The following PCDHA2 variants were observed in gnomAD, a reference collection of about 807,000 sequenced individuals.
PCDHA2 encodes protocadherin alpha 2, also known as protocadherin alpha-2.
In PCDHA2, 58 loss-of-function variants were observed where a neutral mutation model predicts 66.0. The ratio of observed to expected loss-of-function variants is 0.88; its 90% confidence interval spans 0.71 to 1.09. The LOEUF is 1.09. PCDHA2 is among the 50% of genes least tolerant of loss of function. The probability of loss-of-function intolerance (pLI) is 0.00; values close to 1 mark genes in which losing one functional copy is unlikely to be tolerated. For synonymous variants in PCDHA2, 634 were observed against 554.0 expected (o/e 1.14, Z -2.03); for missense variants, 1,267 against 1,242.3 (o/e 1.02, Z -0.30).
intron 1 of PCDHA2, chr5:140,843,668 G>C: frequency 6.3e-7 from 1 of 1,593,338 alleles, no homozygotes; most frequent in South Asian, 1.1e-5. Flanking sequence ...TCTGGGATCA[G>C]TTGATGTAGG....
chr5:140,929,074 G>T, intron 1 of PCDHA2: 2 of 1,614,182 alleles, frequency 1.2e-6, no homozygotes, highest in South Asian at 2.2e-5. Flanking sequence ...TCTGAGGTAT[G>T]GAAGTAAGAT....
At chr5:140,858,085 G>A (rs782551513) in intron 1 of PCDHA2, 1 of 1,597,828 alleles carries the variant, frequency 6.3e-7, no homozygotes, top group Non-Finnish European at 8.6e-7. Context: ...AGGCCTCGTC[G>A]CGGGCTTCAG....
intron 1 of PCDHA2, chr5:140,834,408 C>A (rs1422955156): frequency 1.9e-6 from 3 of 1,609,996 alleles, no homozygotes; most frequent in Non-Finnish European, 2.5e-6. Context: ...TGGATACGAC[C>A]CAGGGGGCCG....
rs1232037230 is a variant in PCDHA2 at position 140,844,720 on chromosome 5, C to T, written c.2388+47368C>T. On this transcript the variant is annotated intron_variant, in intron 1 of 3. Coordinates refer to ENST00000526136, the MANE Select transcript of PCDHA2 (RefSeq NM_018905.3). ...TTGGGATTATCATGGCCCATTAGTTCGTGTAAAAATATTTAGTATTATGGG... is the reference window on the plus strand; with the variant it reads ...TTGGGATTATCATGGCCCATTAGTTTGTGTAAAAATATTTAGTATTATGGG... Among the ~76,000 whole-genome samples the T allele has an allele frequency of 5.4e-5, 8 of 149,304 alleles. 1 individual carries two copies. Among genetic ancestry groups the T allele is most frequent in the East Asian group, 1.9e-4 (1 of 5,172 alleles).
Position 140,845,550 on chromosome 5 carries a change from G to A in PCDHA2, c.2388+48198G>A, listed in dbSNP as rs185907796. Among the ~76,000 whole-genome samples, 15 of 149,478 alleles carry A rather than the reference G, an allele frequency of 1.0e-4. 1 individual carries two copies. Among genetic ancestry groups the A allele is most frequent in the Non-Finnish European group, 1.3e-4 (9 of 66,770 alleles). On this transcript the variant is annotated intron_variant, in intron 1 of 3. Coordinates refer to ENST00000526136, the MANE Select transcript of PCDHA2 (RefSeq NM_018905.3). ...TTTTCACTATTCTAATTATGGTGAT[G>A]CTTTTAGCTATTAAGAATTTCTGGG...
chr5:140,924,665 C>A (rs528625954), intron 1 of PCDHA2, among the ~76,000 whole-genome samples: 3 of 152,050 alleles, frequency 2.0e-5, no homozygotes, highest in Non-Finnish European at 4.4e-5. Flanking sequence ...GAGGCCGAGG[C>A]AGGCCAATCA....
intron 1 of PCDHA2, chr5:140,927,044 C>T (rs1337649079): frequency 6.2e-7 from 1 of 1,612,210 alleles, no homozygotes; most frequent in Non-Finnish European, 8.5e-7. Flanking sequence ...GCCGCTATGT[C>T]CTCGCGGAAC....
intron 1 of PCDHA2, chr5:140,865,406 G>A (rs899888055): frequency 4.6e-5 from 7 of 152,130 alleles, no homozygotes; most frequent in African/African-American, 1.4e-4. Flanking sequence ...ATGCTGAAAA[G>A]GAATTAGTAG....
chr5:140,843,140 C>G (rs1432182351), intron 1 of PCDHA2: 1 of 1,595,908 alleles, frequency 6.3e-7, no homozygotes, highest in Non-Finnish European at 8.6e-7. Context: ...CAACGCGTGG[C>G]TTTCGTATGA....
chr5:140,806,238 T>TA (rs1357103768), intron 1 of PCDHA2, among the ~76,000 whole-genome samples: 30 of 152,172 alleles, frequency 2.0e-4, no homozygotes, highest in Admixed American at 1.5e-3. Flanking sequence ...GCTTGTTTAT[T>TA]AAAAAAAGCT....
chr5:140,834,549 C>T (rs2150220771), intron 1 of PCDHA2: 1 of 1,614,074 alleles, frequency 6.2e-7, no homozygotes, highest in Non-Finnish European at 8.5e-7. Flanking sequence ...GGGGCTGGAG[C>T]TGGCGGAGCT....
intron 1 of PCDHA2, chr5:140,842,566 C>T (rs2150339391): frequency 1.0e-5 from 15 of 1,503,446 alleles, no homozygotes; most frequent in Non-Finnish European, 1.4e-5. Flanking sequence ...CCCTGGACCG[C>T]GAGAGAGTGT....
chr5:140,927,150 G>GT, intron 1 of PCDHA2: 1 of 1,614,134 alleles, frequency 6.2e-7, no homozygotes, highest in Non-Finnish European at 8.5e-7. Context: ...GCGAACAGCT[G>GT]TGCAGGGCCA....
At chr5:140,967,046 C>T in intron 1 of PCDHA2, 1 of 1,612,334 alleles carries the variant, frequency 6.2e-7, no homozygotes, top group African/African-American at 1.3e-5. Context: ...GGAGCTGGAC[C>T]TGACGAGTGG....
intron 1 of PCDHA2, chr5:140,836,768 A>G: frequency 9.0e-6 from 14 of 1,555,112 alleles, no homozygotes; most frequent in Non-Finnish European, 1.2e-5. Flanking sequence ...GTTTCCAACA[A>G]TTTTAAAACA....
chr5:140,916,871 T>C (rs1321229691), intron 1 of PCDHA2, among the ~76,000 whole-genome samples: 1 of 152,162 alleles, frequency 6.6e-6, no homozygotes, highest in African/African-American at 2.4e-5. Context: ...ACCTAGGAAT[T>C]GCAATCCTTG....
At chr5:140,913,282 AG>A (rs1231451737) in intron 1 of PCDHA2, among the ~76,000 whole-genome samples, 20 of 152,154 alleles carry the variant, frequency 1.3e-4, no homozygotes, top group African/African-American at 4.6e-4. Flanking sequence ...TGGTCTGTTT[AG>A]GTTTTAATTT....
intron 1 of PCDHA2, among the ~76,000 whole-genome samples, chr5:140,959,109 G>A (rs1401809702): frequency 1.3e-5 from 2 of 152,040 alleles, no homozygotes; most frequent in African/African-American, 4.8e-5. Context: ...GCAGGGGTCC[G>A]AAGGTGGGCG....
chr5:140,849,974 G>C lies in PCDHA2; in HGVS notation c.2388+52622G>C, dbSNP rs190398483. The C allele has an allele frequency of 8.8e-6, 14 of 1,597,556 alleles. 2 individuals are homozygous for C. In the South Asian group the frequency reaches 1.4e-4, roughly 16 times the overall value. ...AGGAGAACGCCCTGGTGTCCTACTC[G>C]CTGGTGGAGCGGCGGTTGGGCGAGC... is the stretch of plus-strand genomic sequence containing the variant. On this transcript the variant is annotated intron_variant, in intron 1 of 3. Transcript: ENST00000526136.
Sources: gnomAD v4.1 joint callset for allele counts (sites outside exome capture counted in the v4.1 genomes callset) on GRCh38, gnomAD v4.1.1 for gene constraint, MANE v1.5 for transcripts, NCBI Gene and HGNC (gene_info 2026-07-23, HGNC 2026-07-21) for gene names.